The following CDH4 variants were observed in gnomAD, a reference collection of about 807,000 sequenced individuals.
CDH4 encodes cadherin 4.
Under a neutral mutation model 86.0 loss-of-function variants are expected in CDH4, and 33 were observed. The observed-to-expected ratio is 0.38, with a 90% CI of 0.29 to 0.51. The LOEUF (loss-of-function observed/expected upper bound fraction) is 0.51, where lower values mean the gene tolerates loss of function less well. CDH4 is among the 20% of genes least tolerant of loss of function. CDH4 has a pLI of 0.86. For synonymous variants in CDH4, 555 were observed against 549.4 expected (o/e 1.01, Z -0.14); for missense variants, 1,114 against 1,307.4 (o/e 0.85, Z 2.28).
At chr20:61,761,824 C>T (rs1477194198) in intron 3 of CDH4, among the ~76,000 whole-genome samples, 2 of 152,216 alleles carry the variant, frequency 1.3e-5, no homozygotes. Flanking sequence ...GCTCTTCTCC[C>T]TGCATCCCCA....
At chr20:61,815,341 G>A (rs911314248) in intron 4 of CDH4, among the ~76,000 whole-genome samples, 1 of 152,234 alleles carries the variant, frequency 6.6e-6, no homozygotes, top group Non-Finnish European at 1.5e-5. Context: ...ACGATGCTTT[G>A]TGCCCACGAA....
At chr20:61,576,299 CTG>C (rs2086382119) in intron 2 of CDH4, among the ~76,000 whole-genome samples, 1 of 152,226 alleles carries the variant, frequency 6.6e-6, no homozygotes, top group East Asian at 1.9e-4. Context: ...TTAACCCTCT[CTG>C]TCATGATGCT....
intron 2 of CDH4, among the ~76,000 whole-genome samples, chr20:61,500,881 A>C (rs1303355655): frequency 6.6e-6 from 1 of 152,256 alleles, no homozygotes; most frequent in Non-Finnish European, 1.5e-5. Context: ...GCATGCCCTC[A>C]GGCCCACGCA....
intron 2 of CDH4, among the ~76,000 whole-genome samples, chr20:61,536,873 C>T (rs2086001305): frequency 6.6e-6 from 1 of 152,190 alleles, no homozygotes; most frequent in South Asian, 2.1e-4. Flanking sequence ...GTGTTCAGCG[C>T]AGGGGCTGGC....
chr20:61,588,544 C>T (rs1278463014), intron 2 of CDH4, among the ~76,000 whole-genome samples: 2 of 152,218 alleles, frequency 1.3e-5, no homozygotes, highest in Admixed American at 6.5e-5. Context: ...TGGCCAATGA[C>T]TCATTCCCCG....
intron 7 of CDH4, among the ~76,000 whole-genome samples, chr20:61,891,369 G>A (rs1984810827): frequency 6.6e-6 from 1 of 152,150 alleles, no homozygotes; most frequent in Non-Finnish European, 1.5e-5. Context: ...GCCCCTCCCT[G>A]TCCTGCTGAG....
intron 2 of CDH4, among the ~76,000 whole-genome samples, chr20:61,686,800 C>T (rs2087584754): frequency 2.6e-5 from 4 of 152,146 alleles, no homozygotes; most frequent in Non-Finnish European, 1.5e-5. Context: ...TGTGCATGTC[C>T]ACTTGCATGC....
chr20:61,439,945 C>T (rs1391585761), intron 2 of CDH4, among the ~76,000 whole-genome samples: 1 of 152,270 alleles, frequency 6.6e-6, no homozygotes. Flanking sequence ...TAACATGCCT[C>T]ACTGCTCATC....
intron 7 of CDH4, among the ~76,000 whole-genome samples, chr20:61,874,968 G>A (rs1029447519): frequency 6.6e-6 from 1 of 152,196 alleles, no homozygotes; most frequent in African/African-American, 2.4e-5. Flanking sequence ...CGGCTTCTGA[G>A]TGCGTCACGG....
chr20:61,528,192 A>G (rs890593150), intron 2 of CDH4, among the ~76,000 whole-genome samples: 1 of 145,444 alleles, frequency 6.9e-6, no homozygotes, highest in East Asian at 2.1e-4. Flanking sequence ...CTTGGCCAAC[A>G]TGGCGAAACC....
chr20:61,258,612 T>C (rs907659342), intron 2 of CDH4, among the ~76,000 whole-genome samples: 1 of 152,218 alleles, frequency 6.6e-6, no homozygotes, highest in Non-Finnish European at 1.5e-5. Flanking sequence ...TAAAACCCAA[T>C]TCACATAATC....
chr20:61,781,720 A>T (rs1233771795), intron 4 of CDH4, among the ~76,000 whole-genome samples: 1 of 152,240 alleles, frequency 6.6e-6, no homozygotes, highest in African/African-American at 2.4e-5. Flanking sequence ...AATGATTGAG[A>T]CTTTCCCACA....
intron 2 of CDH4, among the ~76,000 whole-genome samples, chr20:61,375,181 T>C (rs1272472053): frequency 2.6e-5 from 4 of 152,220 alleles, no homozygotes; most frequent in Non-Finnish European, 4.4e-5. Context: ...GTCACTCATA[T>C]TTGGCTCAGA....
chr20:61,661,199 C>G (rs1190387917), intron 2 of CDH4, among the ~76,000 whole-genome samples: 2 of 151,934 alleles, frequency 1.3e-5, no homozygotes, highest in African/African-American at 2.4e-5. Context: ...AGGGCCATGG[C>G]TGTCACCGTC....
At chr20:61,786,476 G>T (rs889237365) in intron 4 of CDH4, among the ~76,000 whole-genome samples, 1 of 152,124 alleles carries the variant, frequency 6.6e-6, no homozygotes, top group African/African-American at 2.4e-5. Context: ...GGGTTGTGTG[G>T]TTTAATTGCT....
intron 2 of CDH4, among the ~76,000 whole-genome samples, chr20:61,270,526 C>T (rs1319016801): frequency 6.6e-6 from 1 of 152,162 alleles, no homozygotes; most frequent in African/African-American, 2.4e-5. Flanking sequence ...TTCACAATGA[C>T]TTTTTCCTTA....
intron 6 of CDH4, among the ~76,000 whole-genome samples, chr20:61,869,488 T>A (rs1600724593): frequency 6.6e-6 from 1 of 152,210 alleles, no homozygotes; most frequent in Admixed American, 6.5e-5. Flanking sequence ...GCTTTCAGTC[T>A]GGGTCTAGCA....
Position 61,709,700 on chromosome 20 carries a change from C to T in CDH4, c.170-33863C>T, listed in dbSNP as rs1035103545. On this transcript the variant is annotated intron_variant, in intron 2 of 15. Transcript: ENST00000614565. The surrounding 1 kb of genome is among the most constrained non-coding windows in gnomAD (Gnocchi z 4.8). ...GGCAAATGGCACCCATAAATGGAAGCAATATTGGTGATGCTCCACTCTACA... is the reference window on the plus strand; with the variant it reads ...GGCAAATGGCACCCATAAATGGAAGTAATATTGGTGATGCTCCACTCTACA... Among the ~76,000 whole-genome samples the T allele has an allele frequency of 2.0e-5, 3 of 151,966 alleles. No homozygotes were observed. The highest frequency in any genetic ancestry group is 1.3e-4 in the Admixed American group (2 of 15,266).
At chr20:61,643,149 G>A (rs1001130886) in intron 2 of CDH4, among the ~76,000 whole-genome samples, 4 of 152,182 alleles carry the variant, frequency 2.6e-5, no homozygotes, top group African/African-American at 4.8e-5. Context: ...GCATCTGGCC[G>A]GCTTCAGGTC....
Sources: allele counts gnomAD v4.1 joint callset (sites outside exome capture counted in the v4.1 genomes callset), GRCh38; gene constraint gnomAD v4.1.1; non-coding constraint Gnocchi (gnomAD v3.1); transcripts MANE v1.5; gene names NCBI Gene and HGNC (gene_info 2026-07-23, HGNC 2026-07-21).